CDH13: variants seen among roughly 807,000 people sequenced by gnomAD.
CDH13 encodes cadherin-13.
In CDH13, 24 loss-of-function variants were observed where a neutral mutation model predicts 63.8. The ratio of observed to expected loss-of-function variants is 0.38; its 90% CI spans 0.27 to 0.53. The LOEUF (loss-of-function observed/expected upper bound fraction) is 0.53, where lower values mean the gene tolerates loss of function less well. Among genes scored for constraint, CDH13 ranks in the 20% least tolerant of loss-of-function variants. The pLI is 0.85. For synonymous variants in CDH13, 503 were observed against 355.3 expected, an observed-to-expected ratio of 1.42 and a Z score of -4.67; for missense variants, 1,049 against 903.1, an observed-to-expected ratio of 1.16 and a Z score of -2.07.
At chr16:82,912,662 C>G (rs1021024224) in intron 2 of CDH13, among the ~76,000 whole-genome samples, 2 of 152,106 alleles carry the variant, frequency 1.3e-5, no homozygotes, top group African/African-American at 4.8e-5. Context: ...AGTGGTGACT[C>G]GCCGGGCGCG....
chr16:83,419,914 C>A (rs987115913), intron 6 of CDH13, among the ~76,000 whole-genome samples: 1 of 122,616 alleles, frequency 8.2e-6, no homozygotes, highest in Non-Finnish European at 1.8e-5. Flanking sequence ...ATCGTCCAAT[C>A]TTTTTTTTTT....
intron 10 of CDH13, among the ~76,000 whole-genome samples, chr16:83,718,116 C>G (rs254320): frequency 1 from 151,965 of 152,308 alleles, 75,811 homozygotes; most frequent in Middle Eastern, 1. Context: ...GTTTAGTTGG[C>G]AGAAAATCCC....
intron 1 of CDH13, among the ~76,000 whole-genome samples, chr16:82,761,017 C>CTTTCTTTTTTTTTTTTTTTTTTTTTTTT: frequency 2.5e-5 from 1 of 40,452 alleles, no homozygotes; most frequent in South Asian, 1.5e-3. Context: ...TTCTTTCTTT[C>CTTTCTTTTTTTTTTTTTTTTTTTTTTTT]TTTTTTTTTT....
At chr16:83,058,547 G>C (rs1436435387) in intron 3 of CDH13, among the ~76,000 whole-genome samples, 3 of 152,160 alleles carry the variant, frequency 2.0e-5, no homozygotes, top group Non-Finnish European at 4.4e-5. Flanking sequence ...GTTGCCAAGA[G>C]ATGGCATAGC....
intron 3 of CDH13, among the ~76,000 whole-genome samples, chr16:83,077,738 G>C (rs931743534): frequency 6.6e-6 from 1 of 152,122 alleles, no homozygotes; most frequent in African/African-American, 2.4e-5. Flanking sequence ...AGCAGTAAAA[G>C]GGTATGTCAT....
intron 2 of CDH13, among the ~76,000 whole-genome samples, chr16:82,978,297 AT>A (rs1316092824): frequency 6.6e-6 from 1 of 152,246 alleles, no homozygotes; most frequent in Non-Finnish European, 1.5e-5. Context: ...AGAAAAACCT[AT>A]TTTATGGGGA....
intron 7 of CDH13, among the ~76,000 whole-genome samples, chr16:83,499,971 T>C (rs1056179431): frequency 2.6e-4 from 40 of 151,980 alleles, no homozygotes; most frequent in African/African-American, 9.7e-4. Flanking sequence ...CGCAGCTAAT[T>C]TTTGTATTTT....
At chr16:83,019,085 C>A (rs982227132) in intron 2 of CDH13, among the ~76,000 whole-genome samples, 2 of 152,178 alleles carry the variant, frequency 1.3e-5, no homozygotes, top group African/African-American at 4.8e-5. Context: ...TTTCTTCAAT[C>A]ATAAATTAAC....
rs373324448 is a variant in CDH13, at chr16:82,637,346, A to G, written c.45+10209A>G. On this transcript the variant is annotated intron_variant, in intron 1 of 13. Coordinates refer to ENST00000567109, the MANE Select transcript of CDH13 (RefSeq NM_001257.5). The stretch of plus-strand genomic sequence containing the variant: ...CCTTCTTTTCTTCCTTTTCTCAACA[A>G]AGATATTTAGTGAGTGCTGTATGCC... Among the ~76,000 whole-genome samples, 6 of 151,276 alleles carry G rather than the reference A, an allele frequency of 4.0e-5. No homozygotes were observed. In the East Asian group the frequency reaches 9.7e-4, roughly 24 times the overall value.
intron 5 of CDH13, among the ~76,000 whole-genome samples, chr16:83,252,241 C>G (rs967283563): frequency 6.8e-6 from 1 of 146,072 alleles, no homozygotes; most frequent in African/African-American, 2.5e-5. Context: ...TTTTTAGATT[C>G]TCTTGATGTG....
chr16:82,853,897 G>A (rs1417689027), intron 1 of CDH13, among the ~76,000 whole-genome samples: 1 of 152,198 alleles, frequency 6.6e-6, no homozygotes, highest in Non-Finnish European at 1.5e-5. Context: ...ACTATGTCCA[G>A]GTAGTATTTT....
chr16:82,922,064 G>A (rs943380381), intron 2 of CDH13, among the ~76,000 whole-genome samples: 3 of 152,042 alleles, frequency 2.0e-5, no homozygotes, highest in East Asian at 1.9e-4. Flanking sequence ...ATTATTCATA[G>A]CATTTCCTTA....
chr16:82,979,179 C>A (rs1329312721), intron 2 of CDH13, among the ~76,000 whole-genome samples: 1 of 152,162 alleles, frequency 6.6e-6, no homozygotes. Context: ...ATGCCTGTAC[C>A]CCCATTGTGT....
intron 1 of CDH13, among the ~76,000 whole-genome samples, chr16:82,837,227 G>C (rs780400573): frequency 9.2e-5 from 14 of 152,196 alleles, no homozygotes; most frequent in Non-Finnish European, 1.3e-4. Flanking sequence ...ATGAGAAGCT[G>C]AAACTATCTT....
At position 82,946,833 on chromosome 16, in the gene CDH13, G is replaced by A. The variant is rs918335823; in HGVS notation, c.158-85177G>A. 3.3e-5 allele frequency among the ~76,000 whole-genome samples: 5 copies of A among 152,192 alleles called. No individual in the cohort carries two copies. In the East Asian group the frequency reaches 5.8e-4, roughly 18 times the overall value. The stretch of plus-strand genomic sequence containing the variant: ...ACATATGCCTAGAAATTCACTGAAC[G>A]TCAAAATGATTTATACATACAATCA... On this transcript the variant is annotated intron_variant, in intron 2 of 13. Coordinates refer to ENST00000567109, the MANE Select transcript of CDH13 (RefSeq NM_001257.5).
intron 7 of CDH13, among the ~76,000 whole-genome samples, chr16:83,585,258 A>G (rs900551768): frequency 1.3e-5 from 2 of 151,904 alleles, no homozygotes; most frequent in African/African-American, 4.8e-5. Flanking sequence ...TTCCCAGATC[A>G]CTCCGAATTT....
chr16:83,256,674 CAAAAAAAA>C (rs59651612), intron 5 of CDH13, among the ~76,000 whole-genome samples: 3 of 115,656 alleles, frequency 2.6e-5, no homozygotes, highest in Admixed American at 9.2e-5. Flanking sequence ...TACTAAAATA[CAAAAAAAA>C]AAAAAAAAAA....
At chr16:83,087,991 C>A (rs780005051) in intron 3 of CDH13, among the ~76,000 whole-genome samples, 1 of 152,140 alleles carries the variant, frequency 6.6e-6, no homozygotes, top group Non-Finnish European at 1.5e-5. Context: ...CAGTGTGCAG[C>A]CTTCAGCGGC....
intron 2 of CDH13, among the ~76,000 whole-genome samples, chr16:83,001,700 A>G (rs1396853323): frequency 3.9e-5 from 6 of 152,212 alleles, no homozygotes; most frequent in African/African-American, 1.4e-4. Flanking sequence ...GTGACCATTT[A>G]CACCTACGGA....
Sources: allele counts gnomAD v4.1 joint callset (sites outside exome capture counted in the v4.1 genomes callset), GRCh38; gene constraint gnomAD v4.1.1; transcripts MANE v1.5; gene names NCBI Gene and HGNC (gene_info 2026-07-23, HGNC 2026-07-21).